ENTREP2: variants seen among roughly 807,000 people sequenced by gnomAD.
The protein encoded by ENTREP2 is endosomal transmembrane epsin interactor 2.
At chr15:29,565,923 T>C in the ENTREP2 span, among the ~76,000 whole-genome samples, 2 of 151,222 alleles carry the variant, frequency 1.3e-5, no homozygotes, top group Non-Finnish European at 3.0e-5. Context: ...ATCACGCCAC[T>C]GCACTCCAGC....
At chr15:29,172,500 T>C in the ENTREP2 span, among the ~76,000 whole-genome samples, 1 of 151,420 alleles carries the variant, frequency 6.6e-6, no homozygotes, top group Non-Finnish European at 1.5e-5. Flanking sequence ...AGCAGGCCAG[T>C]GGGGATGGAC....
chr15:29,195,342 A>C, the ENTREP2 span: 4 of 984,966 alleles, frequency 4.1e-6, no homozygotes, highest in Non-Finnish European at 4.8e-6. Context: ...ATGGAGGACT[A>C]ATCACAAGCA....
the ENTREP2 span, among the ~76,000 whole-genome samples, chr15:29,167,046 C>A: frequency 6.6e-6 from 1 of 152,040 alleles, no homozygotes; most frequent in African/African-American, 2.4e-5. Context: ...TTTGACAAAG[C>A]AAACATTAAC....
At chr15:29,317,529 ATTCAAG>A in the ENTREP2 span, among the ~76,000 whole-genome samples, 1 of 152,202 alleles carries the variant, frequency 6.6e-6, no homozygotes, top group Non-Finnish European at 1.5e-5. Context: ...ACTCAATCAA[ATTCAAG>A]TTCATCACAT....
the ENTREP2 span, chr15:29,235,041 C>G: frequency 1.7e-6 from 2 of 1,169,784 alleles, no homozygotes; most frequent in South Asian, 1.2e-5. Flanking sequence ...TCTCTTCTTC[C>G]CAGGTAGTGG....
the ENTREP2 span, among the ~76,000 whole-genome samples, chr15:29,564,383 C>G: frequency 6.6e-6 from 1 of 152,110 alleles, no homozygotes; most frequent in East Asian, 1.9e-4. Context: ...CTTGGGGGTC[C>G]CCTTCCATAT....
chr15:29,266,538 T>A, the ENTREP2 span: 6 of 152,174 alleles, frequency 3.9e-5, no homozygotes, highest in Admixed American at 3.9e-4. Flanking sequence ...TAGTTATTTT[T>A]CCCCCATAAA....
At chr15:29,507,834 T>C in the ENTREP2 span, among the ~76,000 whole-genome samples, 3 of 151,634 alleles carry the variant, frequency 2.0e-5, no homozygotes, top group Non-Finnish European at 2.9e-5. Context: ...AACATCACAA[T>C]GAAAAGAACT....
the ENTREP2 span, among the ~76,000 whole-genome samples, chr15:29,474,846 C>T: frequency 2.0e-5 from 3 of 152,214 alleles, no homozygotes; most frequent in Non-Finnish European, 2.9e-5. Context: ...CGTGAGCCAC[C>T]GCACCCGGCC....
chr15:29,157,214 C>T, the ENTREP2 span, among the ~76,000 whole-genome samples: 443 of 152,274 alleles, frequency 2.9e-3, 2 homozygotes, highest in African/African-American at 0.01. Context: ...GGGGCTGGGG[C>T]TGACGATGGA....
chr15:29,500,477 C>T, the ENTREP2 span, among the ~76,000 whole-genome samples: 1 of 152,078 alleles, frequency 6.6e-6, no homozygotes, highest in African/African-American at 2.4e-5. Context: ...ATTAACAACA[C>T]ATTCCATTGG....
At chr15:29,492,637 G>A in the ENTREP2 span, among the ~76,000 whole-genome samples, 1,903 of 152,244 alleles carry the variant, frequency 0.012, 43 homozygotes, top group African/African-American at 0.044. Context: ...AACTTTTCCC[G>A]ATAGGAAATA....
chr15:29,366,015 A>T, the ENTREP2 span, among the ~76,000 whole-genome samples: 1 of 152,204 alleles, frequency 6.6e-6, no homozygotes. Context: ...GACTTCCGTT[A>T]TCACCTACTG....
At chr15:29,436,501 T>G in the ENTREP2 span, among the ~76,000 whole-genome samples, 2 of 152,222 alleles carry the variant, frequency 1.3e-5, no homozygotes, top group Non-Finnish European at 2.9e-5. Context: ...AGCAGAGATT[T>G]CTTTTATAAG....
chr15:29,456,826 G>A, the ENTREP2 span, among the ~76,000 whole-genome samples: 3 of 152,212 alleles, frequency 2.0e-5, no homozygotes, highest in Admixed American at 6.5e-5. Flanking sequence ...TGCAAAGGCA[G>A]GAGGCTGGAA....
chr15:29,451,240 CCTTCGCTGA>C, the ENTREP2 span, among the ~76,000 whole-genome samples: 1 of 152,160 alleles, frequency 6.6e-6, no homozygotes, highest in South Asian at 2.1e-4. Flanking sequence ...TCTCCCTGGT[CCTTCGCTGA>C]TGATGGGGGG....
At chr15:29,193,410 T>C in the ENTREP2 span, among the ~76,000 whole-genome samples, 5 of 152,214 alleles carry the variant, frequency 3.3e-5, no homozygotes, top group African/African-American at 9.6e-5. Flanking sequence ...TTCCTGCCCT[T>C]GGACATCAGA....
At chr15:29,167,481 CAAAG>C in the ENTREP2 span, among the ~76,000 whole-genome samples, 1 of 152,024 alleles carries the variant, frequency 6.6e-6, no homozygotes, top group African/African-American at 2.4e-5. Flanking sequence ...AAGAAAAAAA[CAAAG>C]AATCCCATCA....
the ENTREP2 span, among the ~76,000 whole-genome samples, chr15:29,170,593 TGTGTGA>T: frequency 5.3e-5 from 8 of 151,946 alleles, no homozygotes; most frequent in African/African-American, 1.9e-4. Flanking sequence ...TGTGTGTGTG[TGTGTGA>T]GTGTGTGTGT....
Sources: gnomAD v4.1 joint callset for allele counts (sites outside exome capture counted in the v4.1 genomes callset) on GRCh38, gnomAD v4.1.1 for gene constraint, MANE v1.5 for transcripts, NCBI Gene and HGNC (gene_info 2026-07-23, HGNC 2026-07-21) for gene names.